The following PIGU variants were observed in gnomAD, a reference collection of about 807,000 sequenced individuals.
The protein encoded by PIGU is GPI-anchor transamidase component PIGU.
In PIGU, 24 loss-of-function variants were observed where a neutral mutation model predicts 49.9. That is an observed-to-expected ratio of 0.48 (90% CI 0.35 to 0.68). The LOEUF is 0.68. Among genes scored for constraint, PIGU ranks in the 30% least tolerant of loss-of-function variants. PIGU has a pLI of 0.01. For synonymous variants in PIGU, 220 were observed against 205.7 expected (o/e 1.07, Z -0.59); for missense variants, 490 against 532.6 (o/e 0.92, Z 0.79).
intron 11 of PIGU, among the ~76,000 whole-genome samples, chr20:34,565,999 T>C (rs775800491): frequency 1.0e-4 from 15 of 150,434 alleles, no homozygotes; most frequent in South Asian, 2.1e-4. Flanking sequence ...AAGCTTGCAA[T>C]GCTTAGACAC....
Position 34,615,852 on chromosome 20 carries a change from G to A in PIGU, c.627+190C>T, listed in dbSNP as rs572844330. ...CCCTGCAGACATGGGGAGGTCTACT[G>A]TAGTTGGGACTTAATGATAATTAAG... On this transcript the variant is annotated intron_variant, in intron 7 of 11. Transcript: ENST00000217446. Among the ~76,000 whole-genome samples, 496 of 152,314 alleles carry A rather than the reference G, an allele frequency of 3.3e-3. 2 individuals are homozygous for A. Among genetic ancestry groups the A allele is most frequent in the South Asian group, 0.012 (60 of 4,832 alleles).
chr20:34,566,721 G>A (rs561169242), intron 11 of PIGU, among the ~76,000 whole-genome samples: 39 of 152,290 alleles, frequency 2.6e-4, no homozygotes, highest in African/African-American at 7.9e-4. Flanking sequence ...ATGGTAGGAA[G>A]TGAAGAGTTA....
Position 34,620,815 on chromosome 20 carries a change from A to AC in PIGU, c.530-4677_530-4676insG, listed in dbSNP as rs1303158725. On this transcript the variant is annotated intron_variant, in intron 6 of 11. Transcript: ENST00000217446. ...GACTCCACCTAAAAAAAAACAAAAA[A>AC]AAAACAAAAAAAAAAAAACAAAAAA... is the stretch of plus-strand genomic sequence containing the variant. Among the ~76,000 whole-genome samples the AC allele has an allele frequency of 2.2e-5, 3 of 138,100 alleles. No individual in the cohort carries two copies. The East Asian group carries it at 5.8e-4, about 27-fold the overall frequency. The allele number at this position is 138,100 out of a possible 152,430, so 90.6% of individuals were successfully genotyped here.
At chr20:34,671,482 C>T (rs973145955) in intron 1 of PIGU, among the ~76,000 whole-genome samples, 2 of 151,974 alleles carry the variant, frequency 1.3e-5, no homozygotes, top group Non-Finnish European at 2.9e-5. Context: ...AGGCTAGTCC[C>T]GAACTCCTGA....
chr20:34,629,693 T>C (rs1015046782), intron 6 of PIGU, among the ~76,000 whole-genome samples: 7 of 152,214 alleles, frequency 4.6e-5, no homozygotes, highest in Non-Finnish European at 7.3e-5. Context: ...TACTAGCTAA[T>C]TGATACAAGA....
At chr20:34,604,829 T>G (rs1435671161) in intron 7 of PIGU, among the ~76,000 whole-genome samples, 1 of 152,042 alleles carries the variant, frequency 6.6e-6, no homozygotes, top group Non-Finnish European at 1.5e-5. Flanking sequence ...CAAGAAAAGG[T>G]CAGACTGGAT....
chr20:34,583,607 C>T (rs73105035), intron 9 of PIGU, among the ~76,000 whole-genome samples: 3,395 of 152,330 alleles, frequency 0.022, 51 homozygotes, highest in Middle Eastern at 0.037. Context: ...ATAAAAGCTG[C>T]CGGAGAGCTG....
chr20:34,661,881 AT>A (rs1196036645), intron 1 of PIGU, among the ~76,000 whole-genome samples: 1 of 151,970 alleles, frequency 6.6e-6, no homozygotes, highest in Non-Finnish European at 1.5e-5. Context: ...AGCATCTATT[AT>A]TTTTTGACTT....
intron 2 of PIGU, among the ~76,000 whole-genome samples, chr20:34,654,193 T>C (rs1986635957): frequency 1.1e-5 from 1 of 92,362 alleles, no homozygotes; most frequent in Admixed American, 1.3e-4. Context: ...CCGGGCACGG[T>C]GGCTCACGCC....
chr20:34,591,810 G>C (rs1227553248), intron 7 of PIGU, among the ~76,000 whole-genome samples: 1 of 152,132 alleles, frequency 6.6e-6, no homozygotes, highest in Non-Finnish European at 1.5e-5. Flanking sequence ...GAGTCAAAGA[G>C]AAATGATGTC....
chr20:34,577,547 C>A (rs1281922340), intron 10 of PIGU, among the ~76,000 whole-genome samples: 1 of 152,148 alleles, frequency 6.6e-6, no homozygotes, highest in African/African-American at 2.4e-5. Flanking sequence ...AAAAACCCGT[C>A]TCTACTAAAA....
At chr20:34,565,808 ACTG>A (rs923656827) in intron 11 of PIGU, among the ~76,000 whole-genome samples, 15 of 149,086 alleles carry the variant, frequency 1.0e-4, no homozygotes, top group Middle Eastern at 3.6e-3. Context: ...GCACGCTTGC[ACTG>A]CTCACACAGG....
intron 1 of PIGU, among the ~76,000 whole-genome samples, chr20:34,660,139 G>A (rs1202816096): frequency 6.7e-6 from 1 of 149,070 alleles, no homozygotes; most frequent in African/African-American, 2.5e-5. Context: ...TCCCTACAGA[G>A]AATTCTAAGG....
At chr20:34,608,839 G>A (rs907293292) in intron 7 of PIGU, among the ~76,000 whole-genome samples, 1 of 152,118 alleles carries the variant, frequency 6.6e-6, no homozygotes, top group Non-Finnish European at 1.5e-5. Flanking sequence ...CCTCACTTAG[G>A]ACATCTCATT....
chr20:34,673,866 A>T (rs1987394094), intron 1 of PIGU, among the ~76,000 whole-genome samples: 1 of 151,880 alleles, frequency 6.6e-6, no homozygotes, highest in Non-Finnish European at 1.5e-5. Flanking sequence ...CAGCCTGGCT[A>T]ATATGGTGAA....
intron 6 of PIGU, among the ~76,000 whole-genome samples, chr20:34,630,178 C>T (rs1482322142): frequency 6.6e-6 from 1 of 151,940 alleles, no homozygotes; most frequent in Non-Finnish European, 1.5e-5. Flanking sequence ...AGCCAAATGA[C>T]CATTCCCGCA....
At chr20:34,615,622 T>TG (rs1984973733) in intron 7 of PIGU, among the ~76,000 whole-genome samples, 1 of 152,202 alleles carries the variant, frequency 6.6e-6, no homozygotes, top group African/African-American at 2.4e-5. Flanking sequence ...AGTTTTAAAT[T>TG]GTACACCATT....
chr20:34,565,579 C>T (rs1198949844), intron 11 of PIGU, among the ~76,000 whole-genome samples: 1 of 152,064 alleles, frequency 6.6e-6, no homozygotes, highest in Non-Finnish European at 1.5e-5. Flanking sequence ...GTCTTTGTGC[C>T]AGTTAGGACC....
At chr20:34,638,931 C>CTTA (rs1986058124) in intron 4 of PIGU, among the ~76,000 whole-genome samples, 1 of 152,172 alleles carries the variant, frequency 6.6e-6, no homozygotes, top group African/African-American at 2.4e-5. Context: ...CAAAGAATCT[C>CTTA]ATTTAGACAA....
Sources: allele counts gnomAD v4.1 joint callset (sites outside exome capture counted in the v4.1 genomes callset), GRCh38; gene constraint gnomAD v4.1.1; transcripts MANE v1.5; gene names NCBI Gene and HGNC (gene_info 2026-07-23, HGNC 2026-07-21).